Variants in AOPEP observed in about 807,000 individuals in gnomAD.
The protein encoded by AOPEP is aminopeptidase O (putative).
AOPEP carries 77 observed loss-of-function variants against 98.1 expected under a neutral mutation model. The ratio of observed to expected loss-of-function variants is 0.78; its 90% CI spans 0.65 to 0.95. The LOEUF (loss-of-function observed/expected upper bound fraction) is 0.95, where lower values mean the gene tolerates loss of function less well. AOPEP is among the 40% of genes least tolerant of loss of function. AOPEP has a pLI of 0.00. For synonymous variants in AOPEP, 346 were observed against 365.3 expected (o/e 0.95, Z 0.60); for missense variants, 1,024 against 1,024.7 (o/e 1.00, Z 0.01).
chr9:95,099,317 C>A, the AOPEP span: 8 of 226,126 alleles, frequency 3.5e-5, no homozygotes, highest in Admixed American at 1.1e-4. Context: ...TGTCGCACCT[C>A]TGAAGACCTT....
intron 7 of AOPEP, among the ~76,000 whole-genome samples, chr9:94,945,989 C>T (rs908585512): frequency 6.6e-6 from 1 of 152,118 alleles, no homozygotes; most frequent in African/African-American, 2.4e-5. Flanking sequence ...GATAGATGAA[C>T]CCAGCTTATG....
the AOPEP span, among the ~76,000 whole-genome samples, chr9:95,115,618 G>T: frequency 6.6e-6 from 1 of 152,190 alleles, no homozygotes; most frequent in Admixed American, 6.5e-5. Flanking sequence ...GCACGTATCT[G>T]CAGTTCTGTG....
intron 14 of AOPEP, among the ~76,000 whole-genome samples, chr9:95,063,711 T>C (rs1365704627): frequency 6.6e-6 from 1 of 152,094 alleles, no homozygotes; most frequent in Admixed American, 6.5e-5. Flanking sequence ...GGGGAAATAG[T>C]GTTGATTGAA....
At position 95,064,636 on chromosome 9, in the gene AOPEP, C is replaced by T. The variant is rs148330025; in HGVS notation, c.2232+3826C>T. ...CGTACACAAGCCATTGGTCAGGGGG[C>T]GGGTCCACAAGCTGGTATTTATCTT... On this transcript the variant is annotated intron_variant, in intron 14 of 16. Coordinates refer to ENST00000375315, the MANE Select transcript of AOPEP (RefSeq NM_001193329.3). 3.5e-3 allele frequency among the ~76,000 whole-genome samples: 540 copies of T among 152,266 alleles called. 4 individuals are homozygous for T. The highest frequency in any genetic ancestry group is 4.0e-3 in the Non-Finnish European group (272 of 68,014).
At chr9:94,770,664 A>G (rs548729455) in intron 2 of AOPEP, among the ~76,000 whole-genome samples, 52 of 152,344 alleles carry the variant, frequency 3.4e-4, no homozygotes, top group Non-Finnish European at 6.2e-4. Flanking sequence ...GAGAAAAGAT[A>G]GTCTAAGATA....
At chr9:95,148,016 G>GCACTGATAGCGCAAATGTCAACC in the AOPEP span, among the ~76,000 whole-genome samples, 1 of 152,106 alleles carries the variant, frequency 6.6e-6, no homozygotes, top group African/African-American at 2.4e-5. Flanking sequence ...GTTGACATTT[G>GCACTGATAGCGCAAATGTCAACC]CACTGATAGC....
At position 94,731,860 on chromosome 9, in the gene AOPEP, G is replaced by C. The variant is rs149037063; in HGVS notation, c.-136+5109G>C. Among the ~76,000 whole-genome samples, 5 of 122,890 alleles carry C rather than the reference G, an allele frequency of 4.1e-5. No individual in the cohort carries two copies. The East Asian group carries it at 1.4e-3, about 33-fold the overall frequency. The allele number at this position is 122,890 out of a possible 152,430, so 80.6% of individuals were successfully genotyped here. On this transcript the variant is annotated intron_variant, in intron 1 of 16. Coordinates refer to ENST00000375315, the MANE Select transcript of AOPEP (RefSeq NM_001193329.3). ...TGCCCAGGCTGGAGTGCAATGGCAT[G>C]ATCTTTGCTCACCTCATTGGTTCTA...
chr9:95,052,064 A>C (rs1032171293), intron 13 of AOPEP, among the ~76,000 whole-genome samples: 1 of 152,218 alleles, frequency 6.6e-6, no homozygotes, highest in Non-Finnish European at 1.5e-5. Context: ...GAGGAATGAG[A>C]ACCACTCCTG....
intron 5 of AOPEP, among the ~76,000 whole-genome samples, chr9:94,811,213 T>C (rs2133975079): frequency 6.6e-6 from 1 of 152,236 alleles, no homozygotes; most frequent in African/African-American, 2.4e-5. Flanking sequence ...CTGCAGGTGG[T>C]GTTGTTTTGA....
At chr9:95,123,593 A>C in the AOPEP span, 1 of 590,168 alleles carries the variant, frequency 1.7e-6, no homozygotes, top group South Asian at 1.4e-5. Flanking sequence ...TTGCGACACG[A>C]ACTGTGCCCA....
intron 5 of AOPEP, among the ~76,000 whole-genome samples, chr9:94,807,777 G>A (rs1180981260): frequency 2.0e-5 from 3 of 152,204 alleles, no homozygotes; most frequent in Non-Finnish European, 4.4e-5. Context: ...CTGTACTGCT[G>A]ATGTATGCAT....
chr9:95,033,317 C>T (rs2064487669), intron 13 of AOPEP, among the ~76,000 whole-genome samples: 1 of 152,182 alleles, frequency 6.6e-6, no homozygotes, highest in African/African-American at 2.4e-5. Flanking sequence ...GCATGTCTCT[C>T]CATGCTCCTC....
At chr9:94,954,464 A>G (rs2058319310) in intron 7 of AOPEP, among the ~76,000 whole-genome samples, 1 of 152,220 alleles carries the variant, frequency 6.6e-6, no homozygotes, top group Non-Finnish European at 1.5e-5. Context: ...TAAGCTAAGG[A>G]AAAAATCGCA....
At chr9:94,989,362 A>G (rs898689210) in intron 11 of AOPEP, among the ~76,000 whole-genome samples, 1 of 152,018 alleles carries the variant, frequency 6.6e-6, no homozygotes, top group Admixed American at 6.6e-5. Context: ...TTGGCCTCCC[A>G]AAGTGCTAGG....
chr9:94,917,221 C>A (rs536510039), intron 5 of AOPEP, among the ~76,000 whole-genome samples: 4 of 152,188 alleles, frequency 2.6e-5, no homozygotes, highest in Non-Finnish European at 5.9e-5. Flanking sequence ...GTATCCGCTG[C>A]TCTGCTGGTC....
intron 5 of AOPEP, among the ~76,000 whole-genome samples, chr9:94,801,986 T>C (rs1848305088): frequency 6.6e-6 from 1 of 152,226 alleles, no homozygotes; most frequent in South Asian, 2.1e-4. Flanking sequence ...TTACTACATG[T>C]ATGTACTTTA....
the AOPEP span, among the ~76,000 whole-genome samples, chr9:95,097,416 T>C: frequency 6.6e-6 from 1 of 152,190 alleles, no homozygotes; most frequent in Non-Finnish European, 1.5e-5. Context: ...TGGCAGGCCT[T>C]TGACCCAGGC....
chr9:95,103,586 G>A, the AOPEP span, among the ~76,000 whole-genome samples: 1 of 152,218 alleles, frequency 6.6e-6, no homozygotes, highest in Non-Finnish European at 1.5e-5. Context: ...CAAGTGGACG[G>A]CTGGGGCAAG....
chr9:94,765,737 GTATT>G (rs1458375299), intron 2 of AOPEP, among the ~76,000 whole-genome samples: 5 of 152,046 alleles, frequency 3.3e-5, no homozygotes, highest in African/African-American at 1.2e-4. Flanking sequence ...CTGTAAAGGA[GTATT>G]TATTATGAAT....
Sources: allele counts gnomAD v4.1 joint callset (sites outside exome capture counted in the v4.1 genomes callset), GRCh38; gene constraint gnomAD v4.1.1; transcripts MANE v1.5; gene names NCBI Gene and HGNC (gene_info 2026-07-23, HGNC 2026-07-21).